PRDM4: variants seen among roughly 807,000 people sequenced by gnomAD.
PRDM4 encodes PR domain zinc finger protein 4.
Under a neutral mutation model 62.3 loss-of-function variants are expected in PRDM4, and 38 were observed. That is an observed-to-expected ratio of 0.61 (90% confidence interval 0.47 to 0.80). The LOEUF (loss-of-function observed/expected upper bound fraction) is 0.80, where lower values mean the gene tolerates loss of function less well. Ranked by LOEUF, PRDM4 falls within the 30% of genes least tolerant of loss-of-function variation. The pLI, the probability that PRDM4 is intolerant of heterozygous loss-of-function variation, is 0.00. For missense variants in PRDM4, 858 were observed against 997.1 expected, an observed-to-expected ratio of 0.86 and a Z score of 1.88; for synonymous variants, 339 against 348.2, an observed-to-expected ratio of 0.97 and a Z score of 0.30.
intron 7 of PRDM4, among the ~76,000 whole-genome samples, chr12:107,744,181 T>C (rs1437574984): frequency 1.3e-5 from 2 of 152,140 alleles, no homozygotes; most frequent in African/African-American, 2.4e-5. Context: ...TTTCCTAAGA[T>C]AAACATTTGA....
intron 11 of PRDM4, among the ~76,000 whole-genome samples, chr12:107,735,405 T>C (rs1179236458): frequency 1.3e-5 from 2 of 152,318 alleles, no homozygotes; most frequent in East Asian, 3.9e-4. Context: ...CAGTACATAA[T>C]GGTATCTCAT....
intron 8 of PRDM4, 143 bp from the exon 9 acceptor site, chr12:107,742,491 C>T (rs932394734): frequency 9.5e-6 from 9 of 950,184 alleles, no homozygotes; most frequent in Non-Finnish European, 1.4e-5. Flanking sequence ...AATTTCCCGT[C>T]CTATCTATGA....
At chr12:107,745,572 C>A (rs1890674966) in intron 6 of PRDM4, among the ~76,000 whole-genome samples, 1 of 151,776 alleles carries the variant, frequency 6.6e-6, no homozygotes, top group Admixed American at 6.6e-5. Flanking sequence ...AGAGTGAGAC[C>A]CAGTCTCTTA....
In PRDM4 at chr12:107,760,711, G is replaced by A. The variant is rs1891217874; in HGVS notation, c.-196C>T. 1 of 610,364 alleles carries A rather than the reference G, an allele frequency of 1.6e-6. No homozygotes were observed. Among genetic ancestry groups the A allele is most frequent in the Non-Finnish European group, 2.8e-6 (1 of 352,642 alleles). The allele number at this position is 610,364 out of a possible 1,614,324, so 37.8% of individuals were successfully genotyped here. The stretch of plus-strand genomic sequence containing the variant: ...GGCCGTGCACCCCGCCACGGGTTGG[G>A]GCATCTCGGGGAACACCTGGGGCCT... On this transcript the variant is annotated 5_prime_UTR_variant, in exon 2 of 12. Coordinates refer to ENST00000228437, the MANE Select transcript of PRDM4 (RefSeq NM_012406.4).
rs756348845 is a variant in PRDM4, at chr12:107,751,953, G to T, written c.588C>A (p.Asn196Lys). ...VALDTAITME[N>K]VSRVTSPIST... ...AAATTGGGCTGGTAACCCTAGAAAC[G>T]TTCTCCATAGTGATTGCTGTGTCCA... The change falls in exon 5 of 12, where the codon AAC becomes AAA. Residue 196 changes from asparagine (N) to lysine (K), a missense_variant. By Grantham distance (94) the Asn-to-Lys change is moderately conservative (BLOSUM62 0). Transcript: ENST00000228437. 1.2e-6 allele frequency: 2 copies of T among 1,614,042 alleles called. No individual in the cohort carries two copies. The highest frequency in any genetic ancestry group is 2.7e-5 in the African/African-American group (2 of 74,896).
chr12:107,739,796 A>T (rs1021764492), intron 10 of PRDM4: 1 of 310,878 alleles, frequency 3.2e-6, no homozygotes. Flanking sequence ...ATGTATTTTT[A>T]AAAAATGTAT....
chr12:107,744,406 AT>A lies in PRDM4; in HGVS notation c.1395+136del, dbSNP rs1450512480. On this transcript the variant is annotated intron_variant, in intron 7 of 11. Coordinates refer to ENST00000228437, the MANE Select transcript of PRDM4 (RefSeq NM_012406.4). The stretch of plus-strand genomic sequence containing the variant: ...AATGATGAATGTAACATTTAAAAAA[AT>A]GTACGTGAAATAAATGACTGACCAG... 17 of 987,716 alleles carry A rather than the reference AT, an allele frequency of 1.7e-5. No homozygotes were observed. The East Asian group carries it at 4.4e-4, about 25-fold the overall frequency. 61.2% of individuals were successfully genotyped at this position (987,716 alleles called of 1,614,324 possible).
At chr12:107,737,107 A>T (rs1343948252) in intron 11 of PRDM4, among the ~76,000 whole-genome samples, 1 of 151,698 alleles carries the variant, frequency 6.6e-6, no homozygotes, top group Non-Finnish European at 1.5e-5. Context: ...AGTAAACATC[A>T]CTGTTCTTCT....
At chr12:107,754,195 G>T in intron 3 of PRDM4, 86 bp from the exon 4 acceptor site, 1 of 1,134,782 alleles carries the variant, frequency 8.8e-7, no homozygotes, top group South Asian at 1.7e-5. Context: ...CTCTTAGAAA[G>T]GTTTTTACAC....
At chr12:107,734,908 C>G (rs970221155) in intron 11 of PRDM4, among the ~76,000 whole-genome samples, 20 of 152,168 alleles carry the variant, frequency 1.3e-4, no homozygotes, top group African/African-American at 4.6e-4. Context: ...GGATTTGTCT[C>G]TAGCTAATGA....
intron 10 of PRDM4, 104 bp from the exon 11 acceptor site, chr12:107,739,655 G>C (rs1890450009): frequency 1.7e-6 from 2 of 1,178,482 alleles, no homozygotes; most frequent in Non-Finnish European, 2.4e-6. Flanking sequence ...GAATGAAACA[G>C]AGCTGACTGG....
chr12:107,754,894 CTG>C (rs1891014571), intron 3 of PRDM4: 3 of 152,166 alleles, frequency 2.0e-5, no homozygotes, highest in Admixed American at 2.0e-4. Context: ...AGATGTAAAA[CTG>C]TACATGTACA....
chr12:107,748,326 G>A (rs1032455559), intron 5 of PRDM4, among the ~76,000 whole-genome samples: 5 of 152,134 alleles, frequency 3.3e-5, no homozygotes, highest in Admixed American at 3.3e-4. Flanking sequence ...TAAACATACG[G>A]CAATTCTACT....
At chr12:107,756,445 T>TC (rs1293416442) in intron 3 of PRDM4, among the ~76,000 whole-genome samples, 1 of 152,170 alleles carries the variant, frequency 6.6e-6, no homozygotes. Context: ...AAAGCCCAAT[T>TC]CCCCATGCTC....
Position 107,744,654 on chromosome 12 carries a change from C to A in PRDM4, c.1284G>T (p.Trp428Cys). The A allele has an allele frequency of 6.2e-6, 10 of 1,613,578 alleles. No homozygotes were observed. Among genetic ancestry groups the A allele is most frequent in the Non-Finnish European group, 7.6e-6 (9 of 1,179,548 alleles). The change falls in exon 7 of 12, where the codon TGG becomes TGT. Residue 428 changes from tryptophan to cysteine, a missense_variant. This residue lies in a region of PRDM4 where 499 missense variants were observed against 546.7 expected (regional missense o/e 0.91). Coordinates refer to ENST00000228437, the MANE Select transcript of PRDM4 (RefSeq NM_012406.4). The stretch of plus-strand genomic sequence containing the variant: ...TCCGCACAGGAATGGTTTCTCCAGT[C>A]CATACACCTGTCAGTGGAAGGACAC... ...QSIVGAEVGV[W>C]TGETIPVRTC...
intron 6 of PRDM4, among the ~76,000 whole-genome samples, chr12:107,745,046 C>A (rs916325581): frequency 6.6e-6 from 1 of 151,258 alleles, no homozygotes; most frequent in African/African-American, 2.4e-5. Context: ...GGTGACAAAG[C>A]GAGACTCTGT....
intron 9 of PRDM4, 74 bp downstream of exon 9, chr12:107,742,147 C>G: frequency 6.8e-7 from 1 of 1,470,016 alleles, no homozygotes; most frequent in Non-Finnish European, 9.2e-7. Flanking sequence ...ACATGTAAAT[C>G]ATTACCAAAA....
chr12:107,760,560 G>C lies in PRDM4; in HGVS notation c.-45C>G, dbSNP rs773894918. On this transcript the variant is annotated 5_prime_UTR_variant, in exon 2 of 12. Coordinates refer to ENST00000228437, the MANE Select transcript of PRDM4 (RefSeq NM_012406.4). ...AGAGAAAGGAGCGCTCGGGTGGTGG[G>C]GAACAGGCATCAGGGTTTGCGTTCC... The C allele has an allele frequency of 1.2e-6, 2 of 1,610,936 alleles. No individual in the cohort carries two copies.
At chr12:107,739,075 A>G in intron 11 of PRDM4, 1 of 242,848 alleles carries the variant, frequency 4.1e-6, no homozygotes, top group Non-Finnish European at 8.0e-6. Context: ...CATGCACACT[A>G]TCGTCTAACT....
Sources: gnomAD v4.1 joint callset for allele counts (sites outside exome capture counted in the v4.1 genomes callset) on GRCh38, gnomAD v4.1.1 for gene constraint, gnomAD v4.1.1 regional missense constraint, MANE v1.5 for transcripts, NCBI Gene and HGNC (gene_info 2026-07-23, HGNC 2026-07-21) for gene names.